The following SEL1L2 variants were observed in gnomAD, a reference collection of about 807,000 sequenced individuals.
The protein encoded by SEL1L2 is protein sel-1 homolog 2.
Under a neutral mutation model 98.8 loss-of-function variants are expected in SEL1L2, and 89 were observed. The observed-to-expected ratio is 0.90, with a 90% CI of 0.76 to 1.07. SEL1L2 has a LOEUF of 1.07. Among genes scored for constraint, SEL1L2 ranks in the 50% least tolerant of loss-of-function variants. The pLI, the probability that SEL1L2 is intolerant of heterozygous loss-of-function variation, is 0.00. For synonymous variants in SEL1L2, 262 were observed against 278.5 expected (o/e 0.94, Z 0.59); for missense variants, 788 against 812.0 (o/e 0.97, Z 0.36).
chr20:13,850,411 C>T (rs1046664090), intron 18 of SEL1L2, 92 bp from the exon 19 acceptor site: 21 of 1,415,442 alleles, frequency 1.5e-5, no homozygotes, highest in Non-Finnish European at 2.0e-5. Context: ...ATTAAGGTTA[C>T]AGGTCTTAAG....
At chr20:13,932,429 A>G (rs1377318690) in intron 2 of SEL1L2, among the ~76,000 whole-genome samples, 4 of 148,658 alleles carry the variant, frequency 2.7e-5, no homozygotes, top group Non-Finnish European at 4.5e-5. Flanking sequence ...TATTATTATT[A>G]TTATTATTAT....
chr20:13,911,278 T>C (rs1368600296), intron 5 of SEL1L2, among the ~76,000 whole-genome samples: 1 of 152,254 alleles, frequency 6.6e-6, no homozygotes, highest in African/African-American at 2.4e-5. Flanking sequence ...GTTTGACACA[T>C]AGTAGCTATC....
intron 1 of SEL1L2, among the ~76,000 whole-genome samples, chr20:13,959,417 T>A (rs2050685216): frequency 6.6e-6 from 1 of 152,120 alleles, no homozygotes; most frequent in Admixed American, 6.6e-5. Context: ...AACCATGACA[T>A]CTGAGAAGTA....
intron 5 of SEL1L2, among the ~76,000 whole-genome samples, chr20:13,899,581 G>A (rs764242686): frequency 2.0e-5 from 3 of 152,154 alleles, no homozygotes; most frequent in Non-Finnish European, 2.9e-5. Context: ...CAGAAGGAAC[G>A]AACTTCCTCC....
At chr20:13,958,739 A>G (rs2050652720) in intron 1 of SEL1L2, among the ~76,000 whole-genome samples, 2 of 151,706 alleles carry the variant, frequency 1.3e-5, no homozygotes, top group Non-Finnish European at 2.9e-5. Context: ...GATCGAGACC[A>G]TCCTGGCTAA....
At chr20:13,858,683 C>A (rs555098742) in intron 18 of SEL1L2, among the ~76,000 whole-genome samples, 1 of 152,304 alleles carries the variant, frequency 6.6e-6, no homozygotes, top group Non-Finnish European at 1.5e-5. Flanking sequence ...TACTCAATAC[C>A]ACCTTGCAGT....
At chr20:13,994,084 C>G (rs925211545), upstream of SEL1L2, among the ~76,000 whole-genome samples, 11 of 151,922 alleles carry the variant, frequency 7.2e-5, no homozygotes, top group Non-Finnish European at 1.3e-4. Context: ...CACTTGAGGT[C>G]AGGAGGTCAA....
chr20:13,964,985 C>A (rs2050974159), intron 1 of SEL1L2, among the ~76,000 whole-genome samples: 1 of 152,092 alleles, frequency 6.6e-6, no homozygotes, highest in Non-Finnish European at 1.5e-5. Context: ...TTGAGAGTTT[C>A]TCTTTTGTTT....
chr20:13,937,693 A>G (rs2049524028), intron 2 of SEL1L2, among the ~76,000 whole-genome samples: 1 of 152,160 alleles, frequency 6.6e-6, no homozygotes, highest in Admixed American at 6.5e-5. Flanking sequence ...TACATCACAT[A>G]TTACATGTTT....
chr20:13,926,641 G>A (rs2048919955), intron 3 of SEL1L2, among the ~76,000 whole-genome samples: 1 of 152,234 alleles, frequency 6.6e-6, no homozygotes, highest in South Asian at 2.1e-4. Context: ...GACTGCCAAA[G>A]GCTGTCTAGA....
chr20:13,931,569 T>C (rs746886783), intron 3 of SEL1L2, 34 bp downstream of exon 3: 4 of 1,218,560 alleles, frequency 3.3e-6, no homozygotes, highest in Non-Finnish European at 3.3e-6. Context: ...ATGTAGTCAT[T>C]TTAAATTTAC....
chr20:13,873,837 CTTTA>C (rs777394259), intron 12 of SEL1L2, among the ~76,000 whole-genome samples: 2 of 152,142 alleles, frequency 1.3e-5, no homozygotes, highest in Non-Finnish European at 2.9e-5. Flanking sequence ...CCCTGGACCC[CTTTA>C]TTTAATAACC....
At chr20:13,963,036 A>G (rs2050850485) in intron 1 of SEL1L2, among the ~76,000 whole-genome samples, 1 of 149,760 alleles carries the variant, frequency 6.7e-6, no homozygotes, top group Non-Finnish European at 1.5e-5. Context: ...ACTGCACTCC[A>G]GCCTAGGCAG....
intron 5 of SEL1L2, among the ~76,000 whole-genome samples, chr20:13,893,314 T>C (rs2047284351): frequency 6.6e-6 from 1 of 152,186 alleles, no homozygotes; most frequent in African/African-American, 2.4e-5. Context: ...ACAGAACTCA[T>C]TGATCTTTTG....
chr20:13,906,464 A>G (rs1406589023), intron 5 of SEL1L2, among the ~76,000 whole-genome samples: 1 of 152,200 alleles, frequency 6.6e-6, no homozygotes, highest in Admixed American at 6.5e-5. Flanking sequence ...CAAATTGCAT[A>G]CCAAACAAAA....
chr20:13,850,079 T>G, intron 19 of SEL1L2, 112 bp downstream of exon 19: 1 of 1,268,162 alleles, frequency 7.9e-7, no homozygotes, highest in South Asian at 1.4e-5. Flanking sequence ...ATTTTACTTC[T>G]CAAAGGAAAG....
chr20:13,870,784 G>A (rs1476852199), intron 12 of SEL1L2, among the ~76,000 whole-genome samples: 2 of 152,036 alleles, frequency 1.3e-5, no homozygotes, highest in Non-Finnish European at 2.9e-5. Flanking sequence ...TTAGCTGGGT[G>A]TGGTGGCACA....
At chr20:13,882,202 C>T (rs1002911174) in intron 10 of SEL1L2, among the ~76,000 whole-genome samples, 3 of 152,210 alleles carry the variant, frequency 2.0e-5, no homozygotes, top group Admixed American at 1.3e-4. Context: ...AAAAGAGCTG[C>T]AGTAATAGCC....
chr20:13,861,734 G>A (rs891290915), intron 17 of SEL1L2, among the ~76,000 whole-genome samples: 1 of 152,048 alleles, frequency 6.6e-6, no homozygotes, highest in Non-Finnish European at 1.5e-5. Flanking sequence ...TTTGCCCTTG[G>A]AATAATAGTC....
Sources: gnomAD v4.1 joint callset for allele counts (sites outside exome capture counted in the v4.1 genomes callset) on GRCh38, gnomAD v4.1.1 for gene constraint, MANE v1.5 for transcripts, NCBI Gene and HGNC (gene_info 2026-07-23, HGNC 2026-07-21) for gene names.